Variants in COL27A1 observed in about 807,000 individuals in gnomAD.
COL27A1 encodes collagen type XXVII alpha 1 chain, also known as collagen alpha-1(XXVII) chain.
A neutral mutation model predicts 251.3 loss-of-function variants in COL27A1; 106 were observed. The observed-to-expected ratio is 0.42, with a 90% confidence interval of 0.36 to 0.50. The LOEUF (loss-of-function observed/expected upper bound fraction) is 0.50. Among genes scored for constraint, COL27A1 ranks in the 20% least tolerant of loss-of-function variants. The pLI, the probability that COL27A1 is intolerant of heterozygous loss-of-function variation, is 0.00. For synonymous variants in COL27A1, 1,000 were observed against 986.3 expected, an observed-to-expected ratio of 1.01 and a Z score of -0.26; for missense variants, 2,325 against 2,522.8, an observed-to-expected ratio of 0.92 and a Z score of 1.68.
chr9:114,258,664 CAG>C (rs1248584512), intron 28 of COL27A1, 70 bp downstream of exon 28: 1 of 1,490,798 alleles, frequency 6.7e-7, no homozygotes. Context: ...GGCCATCTGC[CAG>C]AGACTGCCTG....
At chr9:114,159,706 C>T (rs1224759930) in intron 1 of COL27A1, among the ~76,000 whole-genome samples, 3 of 152,214 alleles carry the variant, frequency 2.0e-5, no homozygotes, top group Non-Finnish European at 4.4e-5. Flanking sequence ...GGGTACAGCT[C>T]TTCCCTAATG....
intron 2 of COL27A1, among the ~76,000 whole-genome samples, chr9:114,167,326 C>A (rs903245784): frequency 2.0e-5 from 3 of 152,200 alleles, no homozygotes; most frequent in Non-Finnish European, 4.4e-5. Flanking sequence ...TTGTTACATC[C>A]TTCTGAGGTT....
intron 57 of COL27A1, among the ~76,000 whole-genome samples, chr9:114,305,868 C>T (rs1829005126): frequency 6.6e-6 from 1 of 152,352 alleles, no homozygotes; most frequent in East Asian, 1.9e-4. Context: ...TGCACACACA[C>T]ACGTGACCTC....
chr9:114,301,628 G>T, intron 54 of COL27A1, 54 bp from the exon 55 acceptor site: 1 of 1,558,116 alleles, frequency 6.4e-7, no homozygotes, highest in South Asian at 1.2e-5. Context: ...CTGGGTTGGG[G>T]AGAGATGAAG....
chr9:114,184,130 A>G (rs1828150077), intron 5 of COL27A1, among the ~76,000 whole-genome samples: 2 of 151,784 alleles, frequency 1.3e-5, no homozygotes, highest in South Asian at 4.2e-4. Flanking sequence ...GAGGGGGCAG[A>G]TGGGCTCCTG....
At chr9:114,204,027 G>T (rs186636344) in intron 7 of COL27A1, among the ~76,000 whole-genome samples, 1 of 152,250 alleles carries the variant, frequency 6.6e-6, no homozygotes, top group Admixed American at 6.5e-5. Flanking sequence ...GTAAACGGCA[G>T]CACATAGAGA....
At chr9:114,285,817 T>C (rs964777963) in intron 41 of COL27A1, among the ~76,000 whole-genome samples, 7 of 152,222 alleles carry the variant, frequency 4.6e-5, no homozygotes, top group African/African-American at 1.7e-4. Flanking sequence ...GGCCCTGGTG[T>C]GCCCCAAGGC....
chr9:114,194,047 C>A (rs904071187), intron 5 of COL27A1, among the ~76,000 whole-genome samples: 1 of 152,160 alleles, frequency 6.6e-6, no homozygotes, highest in Non-Finnish European at 1.5e-5. Flanking sequence ...CAGTGTGGGA[C>A]ATGGCTGGGG....
chr9:114,168,747 A>AAGTCAGCC lies in COL27A1; in HGVS notation c.1193_1200dup (p.Leu401SerfsTer60). 6.2e-7 allele frequency: 1 copy of AAGTCAGCC among 1,613,942 alleles called. No homozygotes were observed. The highest frequency in any genetic ancestry group is 1.1e-5 in the South Asian group (1 of 91,080). On this transcript the variant is annotated frameshift_variant, in exon 3 of 61. Coordinates refer to ENST00000356083, the MANE Select transcript of COL27A1 (RefSeq NM_032888.4). LOFTEE classifies it high-confidence loss of function. ...GAAAACAGCTCCATCTTCATTTACA[A>AAGTCAGCC]AGTCAGCCCTACCCACTCAGAAGCA...
At position 114,307,751 on chromosome 9, in the gene COL27A1, G is replaced by A. The variant is rs565315568; in HGVS notation, c.5190G>A (p.Thr1730=). ...VSCNFTHGGQ[T]CLKPITASKV... is the part of the protein sequence containing the mutation. ...GCAACTTCACTCATGGTGGACAGAC[G>A]TGTCTCAAGCCCATCACGGCCTCCA... Residue 1730 remains threonine, a synonymous_variant, in exon 59 of 61, where the codon ACG becomes ACA. Transcript: ENST00000356083. The A allele has an allele frequency of 3.0e-5, 48 of 1,613,988 alleles. No individual in the cohort carries two copies. Among genetic ancestry groups the A allele is most frequent in the African/African-American group, 5.3e-5 (4 of 75,038 alleles).
chr9:114,261,221 G>A (rs1458386850), intron 28 of COL27A1, among the ~76,000 whole-genome samples: 3 of 152,306 alleles, frequency 2.0e-5, no homozygotes, highest in Non-Finnish European at 4.4e-5. Context: ...TTCTGTCCCA[G>A]GCAGGAGCTC....
chr9:114,288,009 C>A (rs62555447), intron 41 of COL27A1, among the ~76,000 whole-genome samples: 1 of 152,174 alleles, frequency 6.6e-6, no homozygotes, highest in Non-Finnish European at 1.5e-5. Flanking sequence ...CCCTGCCGGG[C>A]GTCGCGCATC....
chr9:114,194,299 G>T, intron 5 of COL27A1, 105 bp from the exon 6 acceptor site: 1 of 1,059,562 alleles, frequency 9.4e-7, no homozygotes, highest in South Asian at 1.3e-5. Flanking sequence ...AGGATGGATG[G>T]GAAGGCATTT....
intron 49 of COL27A1, among the ~76,000 whole-genome samples, chr9:114,292,540 G>A (rs1415444419): frequency 2.6e-5 from 4 of 152,134 alleles, no homozygotes; most frequent in Non-Finnish European, 5.9e-5. Flanking sequence ...CTGTCCCAGA[G>A]GCTGCATTCA....
rs757801149 is a variant in COL27A1, at chr9:114,242,202, A to G, written c.2851A>G (p.Met951Val). ...CCAATTCTAGGGAGATGAGGGACCC[A>G]TGGGGCCGCCAGGGGCCCCTGGCTT... ...QLGPEGDEGP[M>V]GPPGAPGLEG... Residue 951 changes from methionine (M) to valine (V), a missense_variant, in exon 22 of 61, where the codon ATG (methionine) becomes GTG (valine). Physicochemically the swap from Met to Val is conservative, Grantham distance 21. Around this residue, in one of 4 missense-constraint regions of COL27A1, gnomAD observed 662 missense variants for 795.3 expected, o/e 0.83. Transcript: ENST00000356083. 7 of 1,606,876 alleles carry G rather than the reference A, an allele frequency of 4.4e-6. No individual in the cohort carries two copies. Among genetic ancestry groups the G allele is most frequent in the Non-Finnish European group, 5.9e-6 (7 of 1,177,094 alleles).
At chr9:114,199,781 C>A (rs762671261) in intron 7 of COL27A1, among the ~76,000 whole-genome samples, 10 of 152,180 alleles carry the variant, frequency 6.6e-5, no homozygotes, top group Admixed American at 6.5e-4. Flanking sequence ...TTGTTTCCCA[C>A]GTGGGGCTTA....
At chr9:114,287,390 C>G (rs553032384) in intron 41 of COL27A1, among the ~76,000 whole-genome samples, 1 of 152,126 alleles carries the variant, frequency 6.6e-6, no homozygotes, top group Admixed American at 6.5e-5. Context: ...TGCCATTTGC[C>G]GTTCCGCTTA....
intron 24 of COL27A1, chr9:114,246,217 G>A (rs74439602): frequency 0.011 from 3,321 of 306,446 alleles, 110 homozygotes; most frequent in African/African-American, 0.067. Context: ...ATTAAAACTG[G>A]AGGAGCCCTT....
chr9:114,235,190 G>A (rs1472964918), intron 16 of COL27A1, among the ~76,000 whole-genome samples: 2 of 151,964 alleles, frequency 1.3e-5, no homozygotes, highest in African/African-American at 2.4e-5. Flanking sequence ...AGACACAAAC[G>A]CTCCGAAACC....
Sources: gnomAD v4.1 joint callset for allele counts (sites outside exome capture counted in the v4.1 genomes callset) on GRCh38, gnomAD v4.1.1 for gene constraint, gnomAD v4.1.1 regional missense constraint, MANE v1.5 for transcripts, NCBI Gene and HGNC (gene_info 2026-07-23, HGNC 2026-07-21) for gene names.